COL19A1: variants seen among roughly 807,000 people sequenced by gnomAD.
The protein encoded by COL19A1 is collagen alpha-1(XIX) chain.
Under a neutral mutation model 190.2 loss-of-function variants are expected in COL19A1, and 159 were observed. The observed-to-expected ratio is 0.84, with a 90% CI of 0.73 to 0.95. The LOEUF (loss-of-function observed/expected upper bound fraction) is 0.95. Ranked by LOEUF, COL19A1 falls within the 40% of genes least tolerant of loss-of-function variation. The probability of loss-of-function intolerance (pLI) is 0.00; values close to 1 mark genes in which losing one functional copy is unlikely to be tolerated. For missense variants in COL19A1, 1,418 were observed against 1,431.9 expected (o/e 0.99, Z 0.16); for synonymous variants, 509 against 458.9 (o/e 1.11, Z -1.39).
intron 15 of COL19A1, among the ~76,000 whole-genome samples, chr6:70,082,880 C>A (rs1466525461): frequency 6.6e-6 from 1 of 152,122 alleles, no homozygotes; most frequent in Non-Finnish European, 1.5e-5. Context: ...TCATAAGGAG[C>A]GTGTAGCCTA....
intron 4 of COL19A1, among the ~76,000 whole-genome samples, chr6:69,915,403 C>A (rs1771224343): frequency 6.6e-6 from 1 of 152,246 alleles, no homozygotes; most frequent in East Asian, 1.9e-4. Flanking sequence ...ACTTACAATG[C>A]TAACCATTGG....
chr6:69,959,263 G>T (rs1216788091), intron 9 of COL19A1, among the ~76,000 whole-genome samples: 1 of 152,108 alleles, frequency 6.6e-6, no homozygotes, highest in Non-Finnish European at 1.5e-5. Flanking sequence ...AGTCTTCCAA[G>T]TAATTGCTTT....
At chr6:70,185,526 G>A (rs1366825121) in intron 46 of COL19A1, among the ~76,000 whole-genome samples, 1 of 152,156 alleles carries the variant, frequency 6.6e-6, no homozygotes, top group African/African-American at 2.4e-5. Flanking sequence ...GTATAGTGAA[G>A]TTACTAGTAA....
intron 9 of COL19A1, among the ~76,000 whole-genome samples, chr6:69,953,771 C>T (rs983171480): frequency 1.3e-5 from 2 of 151,982 alleles, no homozygotes; most frequent in African/African-American, 4.8e-5. Context: ...AGAACCTAGT[C>T]TGCTAATGTT....
chr6:70,133,081 TTC>T (rs1219289138), intron 18 of COL19A1, among the ~76,000 whole-genome samples: 1 of 152,248 alleles, frequency 6.6e-6, no homozygotes, highest in African/African-American at 2.4e-5. Flanking sequence ...TTAATTGTTG[TTC>T]TCATTCTTAG....
At chr6:69,886,991 G>T (rs952921766) in intron 2 of COL19A1, among the ~76,000 whole-genome samples, 2 of 152,022 alleles carry the variant, frequency 1.3e-5, no homozygotes, top group African/African-American at 4.8e-5. Context: ...GTATGCTAAA[G>T]ATATGAAATG....
At chr6:70,059,110 T>G (rs915030285) in intron 14 of COL19A1, among the ~76,000 whole-genome samples, 1 of 152,096 alleles carries the variant, frequency 6.6e-6, no homozygotes, top group Non-Finnish European at 1.5e-5. Context: ...CCCCTAGTAG[T>G]AGTTTAGAAT....
At chr6:70,016,221 T>A (rs1582684921) in intron 11 of COL19A1, among the ~76,000 whole-genome samples, 4 of 26,048 alleles carry the variant, frequency 1.5e-4, no homozygotes, top group African/African-American at 5.9e-4. Context: ...TGTGGTGGGG[T>A]CGGGGGAGGG....
chr6:70,121,800 G>T, intron 16 of COL19A1, 80 bp from the exon 17 acceptor site: 1 of 883,918 alleles, frequency 1.1e-6, no homozygotes, highest in South Asian at 1.6e-5. Flanking sequence ...ATGATTTCAA[G>T]AGTTCTTAGA....
At chr6:69,956,766 T>C (rs1001196111) in intron 9 of COL19A1, among the ~76,000 whole-genome samples, 11 of 152,116 alleles carry the variant, frequency 7.2e-5, no homozygotes, top group African/African-American at 2.7e-4. Context: ...AAGTAAATTT[T>C]CTTTTAATAA....
At chr6:69,874,147 A>T (rs1395876365) in intron 1 of COL19A1, among the ~76,000 whole-genome samples, 1 of 152,110 alleles carries the variant, frequency 6.6e-6, no homozygotes, top group Non-Finnish European at 1.5e-5. Flanking sequence ...GGTACCAGAG[A>T]TGTGTTCAGA....
chr6:70,067,945 T>C (rs1351677739), intron 14 of COL19A1, among the ~76,000 whole-genome samples: 2 of 152,098 alleles, frequency 1.3e-5, no homozygotes, highest in Admixed American at 1.3e-4. Flanking sequence ...GTAAATAATA[T>C]TTTTAATATT....
intron 14 of COL19A1, among the ~76,000 whole-genome samples, chr6:70,060,870 T>A (rs1488824648): frequency 6.6e-6 from 1 of 152,134 alleles, no homozygotes; most frequent in Non-Finnish European, 1.5e-5. Flanking sequence ...CCACAAAACT[T>A]GTCCTTGGTG....
At chr6:69,884,485 C>A (rs1424954317) in intron 2 of COL19A1, among the ~76,000 whole-genome samples, 1 of 151,966 alleles carries the variant, frequency 6.6e-6, no homozygotes, top group Non-Finnish European at 1.5e-5. Context: ...AAGTGATTTT[C>A]TGTGTGTGTG....
intron 11 of COL19A1, chr6:69,974,154 C>T (rs992863779): frequency 1.3e-5 from 2 of 152,148 alleles, no homozygotes; most frequent in African/African-American, 4.8e-5. Context: ...ATGATCTGTT[C>T]TAATATCAGT....
At chr6:69,881,598 A>G (rs1018530792) in intron 2 of COL19A1, among the ~76,000 whole-genome samples, 2 of 152,222 alleles carry the variant, frequency 1.3e-5, no homozygotes, top group Admixed American at 1.3e-4. Flanking sequence ...GACTACCAAA[A>G]TGCATATATT....
intron 35 of COL19A1, 152 bp downstream of exon 35, chr6:70,162,105 A>G: frequency 1.6e-6 from 1 of 614,846 alleles, no homozygotes. Context: ...AAGCTCTCAG[A>G]TTTTCATTTA....
chr6:70,078,788 C>T lies in COL19A1; in HGVS notation c.1224+10312C>T, dbSNP rs550579351. Reference sequence around the variant, plus strand: ...CTTTGATAATATTAACCTCACAGGCCGGGTTCAGTGGCTCACACCTGTAAT... The same window carrying T: ...CTTTGATAATATTAACCTCACAGGCTGGGTTCAGTGGCTCACACCTGTAAT... On this transcript the variant is annotated intron_variant, in intron 15 of 50. Coordinates refer to ENST00000620364, the MANE Select transcript of COL19A1 (RefSeq NM_001858.6). Among the ~76,000 whole-genome samples the T allele has an allele frequency of 3.9e-5, 6 of 152,242 alleles. No homozygotes were observed. In the South Asian group the frequency reaches 6.2e-4, roughly 16 times the overall value.
At chr6:70,200,641 T>C (rs986340830) in intron 49 of COL19A1, among the ~76,000 whole-genome samples, 1 of 152,180 alleles carries the variant, frequency 6.6e-6, no homozygotes, top group Non-Finnish European at 1.5e-5. Flanking sequence ...AAATAATATA[T>C]ATGCAAAGAA....
Sources: gnomAD v4.1 joint callset for allele counts (sites outside exome capture counted in the v4.1 genomes callset) on GRCh38, gnomAD v4.1.1 for gene constraint, MANE v1.5 for transcripts, NCBI Gene and HGNC (gene_info 2026-07-23, HGNC 2026-07-21) for gene names.